Variants in KCNQ3 observed in about 807,000 individuals in gnomAD.
KCNQ3 encodes the protein potassium voltage-gated channel subfamily KQT member 3.
In KCNQ3, 30 loss-of-function variants were observed where a neutral mutation model predicts 92.5. The observed-to-expected ratio is 0.32, with a 90% CI of 0.24 to 0.44. The LOEUF (loss-of-function observed/expected upper bound fraction) is 0.44. Among genes scored for constraint, KCNQ3 ranks in the 20% least tolerant of loss-of-function variants. KCNQ3 has a pLI of 1.00. For missense variants in KCNQ3, 913 were observed against 1,140.3 expected (o/e 0.80, Z 2.87); for synonymous variants, 450 against 468.8 (o/e 0.96, Z 0.52).
chr8:132,255,785 A>G (rs1014092380), intron 1 of KCNQ3, among the ~76,000 whole-genome samples: 11 of 152,212 alleles, frequency 7.2e-5, no homozygotes, highest in Non-Finnish European at 1.6e-4. Flanking sequence ...CACAGACTTA[A>G]GTGGGCACAC....
intron 1 of KCNQ3, among the ~76,000 whole-genome samples, chr8:132,282,158 A>C (rs951698140): frequency 1.3e-5 from 2 of 152,150 alleles, no homozygotes; most frequent in African/African-American, 4.8e-5. Context: ...TGAGATAAAG[A>C]ACTGGTTTTA....
At chr8:132,172,244 T>G (rs924140648) in intron 7 of KCNQ3, among the ~76,000 whole-genome samples, 1 of 152,104 alleles carries the variant, frequency 6.6e-6, no homozygotes, top group African/African-American at 2.4e-5. Flanking sequence ...CTGTGTCTAT[T>G]TCTTTCTTGG....
chr8:132,311,629 T>G (rs1037848265), intron 1 of KCNQ3, among the ~76,000 whole-genome samples: 11 of 152,212 alleles, frequency 7.2e-5, no homozygotes, highest in African/African-American at 2.7e-4. Context: ...TTGACTGTAT[T>G]TGAAGAATTC....
chr8:132,465,730 C>A (rs955415469), intron 1 of KCNQ3, among the ~76,000 whole-genome samples: 1 of 150,986 alleles, frequency 6.6e-6, no homozygotes, highest in African/African-American at 2.4e-5. Flanking sequence ...GGCAACAGAG[C>A]GAAACTCCGT....
chr8:132,157,622 C>T (rs1430964828), intron 9 of KCNQ3, among the ~76,000 whole-genome samples: 3 of 151,774 alleles, frequency 2.0e-5, no homozygotes. Context: ...CCTTGCTTTA[C>T]CCAGAAAATG....
chr8:132,420,630 G>T (rs1217275400), intron 1 of KCNQ3, among the ~76,000 whole-genome samples: 1 of 152,216 alleles, frequency 6.6e-6, no homozygotes, highest in Non-Finnish European at 1.5e-5. Flanking sequence ...CTCACGGAGG[G>T]AAGAATCCTC....
intron 1 of KCNQ3, among the ~76,000 whole-genome samples, chr8:132,226,129 G>A (rs1030149581): frequency 6.6e-6 from 1 of 152,052 alleles, no homozygotes; most frequent in Non-Finnish European, 1.5e-5. Flanking sequence ...AAATTAGCCG[G>A]ACATGGTGGC....
At chr8:132,218,434 C>T (rs1220214569) in intron 1 of KCNQ3, among the ~76,000 whole-genome samples, 1 of 152,208 alleles carries the variant, frequency 6.6e-6, no homozygotes, top group Non-Finnish European at 1.5e-5. Flanking sequence ...TGCTATAATT[C>T]TAACCACAGT....
intron 1 of KCNQ3, among the ~76,000 whole-genome samples, chr8:132,468,905 G>C (rs1032018424): frequency 6.6e-6 from 1 of 152,202 alleles, no homozygotes; most frequent in Non-Finnish European, 1.5e-5. Context: ...GCAGGAAGCA[G>C]TGTTGCTCTT....
intron 1 of KCNQ3, among the ~76,000 whole-genome samples, chr8:132,273,103 C>T (rs1312233371): frequency 6.6e-6 from 1 of 152,110 alleles, no homozygotes; most frequent in East Asian, 1.9e-4. Flanking sequence ...CTAGGTGGTG[C>T]CCCAGTAGGA....
At chr8:132,312,570 C>T (rs1586918309) in intron 1 of KCNQ3, among the ~76,000 whole-genome samples, 1 of 152,162 alleles carries the variant, frequency 6.6e-6, no homozygotes, top group Non-Finnish European at 1.5e-5. Context: ...TGTGTCCACA[C>T]TCAGATATTA....
chr8:132,270,956 C>T (rs560969573), intron 1 of KCNQ3, among the ~76,000 whole-genome samples: 95 of 152,268 alleles, frequency 6.2e-4, no homozygotes, highest in African/African-American at 2.0e-3. Flanking sequence ...AGTGCCAATC[C>T]AGTCAATTGT....
intron 1 of KCNQ3, among the ~76,000 whole-genome samples, chr8:132,414,749 G>T (rs951288824): frequency 6.6e-6 from 1 of 152,226 alleles, no homozygotes; most frequent in Non-Finnish European, 1.5e-5. Context: ...ATAATAGACA[G>T]AGGGAGCAAA....
chr8:132,359,002 A>C (rs1819091014), intron 1 of KCNQ3, among the ~76,000 whole-genome samples: 1 of 151,796 alleles, frequency 6.6e-6, no homozygotes, highest in African/African-American at 2.4e-5. Flanking sequence ...TGCCTCCAAT[A>C]CTCTCACTAA....
At chr8:132,252,318 G>GT (rs35501592) in intron 1 of KCNQ3, among the ~76,000 whole-genome samples, 66,963 of 151,876 alleles carry the variant, frequency 0.44, 17,059 homozygotes, top group East Asian at 0.72. Flanking sequence ...CTTCCAGTGG[G>GT]TCATGGTCTC....
rs1305942488 is a variant in KCNQ3 at position 132,440,533 on chromosome 8, T to C, written c.386+39614A>G. On this transcript the variant is annotated intron_variant, in intron 1 of 14. Transcript: ENST00000388996. ...CTGAAGAGTGAACACATGAATGTGT[T>C]GGTCACCGCCCCATTGTGCAGCGTA... is the stretch of plus-strand genomic sequence containing the variant. 2.6e-5 allele frequency among the ~76,000 whole-genome samples: 4 copies of C among 152,206 alleles called. No individual in the cohort carries two copies. In the East Asian group the frequency reaches 7.7e-4, roughly 29 times the overall value.
chr8:132,463,128 C>A (rs1400564825), intron 1 of KCNQ3, among the ~76,000 whole-genome samples: 2 of 152,154 alleles, frequency 1.3e-5, no homozygotes, highest in Non-Finnish European at 2.9e-5. Context: ...TATGAAAGAA[C>A]CCAGACTAAT....
In KCNQ3 at chr8:132,278,186, T is replaced by C. The variant is rs553266596; in HGVS notation, c.387-92005A>G. The C allele has an allele frequency of 4.1e-6, 4 of 985,360 alleles. No individual in the cohort carries two copies. The African/African-American group carries it at 5.2e-5, about 13-fold the overall frequency. The allele number at this position is 985,360 out of a possible 1,614,324, so 61.0% of individuals were successfully genotyped here. On this transcript the variant is annotated intron_variant, in intron 1 of 14. Coordinates refer to ENST00000388996, the MANE Select transcript of KCNQ3 (RefSeq NM_004519.4). ...TTACAACCCAGAGATGTCATGTAAATTGGTTTCACATAGGATGGTAAGACC... is the reference window on the plus strand; with the variant it reads ...TTACAACCCAGAGATGTCATGTAAACTGGTTTCACATAGGATGGTAAGACC...
chr8:132,224,078 G>T (rs1453142389), intron 1 of KCNQ3, among the ~76,000 whole-genome samples: 1 of 70,216 alleles, frequency 1.4e-5, no homozygotes, highest in Non-Finnish European at 3.9e-5. Flanking sequence ...ATCATGCCAG[G>T]CTATTTTTTT....
Sources: gnomAD v4.1 joint callset for allele counts (sites outside exome capture counted in the v4.1 genomes callset) on GRCh38, gnomAD v4.1.1 for gene constraint, MANE v1.5 for transcripts, NCBI Gene and HGNC (gene_info 2026-07-23, HGNC 2026-07-21) for gene names.